AREL1: variants seen among roughly 807,000 people sequenced by gnomAD.
AREL1 encodes apoptosis resistant E3 ubiquitin protein ligase 1, also known as apoptosis-resistant E3 ubiquitin protein ligase 1.
Under a neutral mutation model 99.0 loss-of-function variants are expected in AREL1, and 62 were observed. The observed-to-expected ratio is 0.63, with a 90% CI of 0.51 to 0.77. The LOEUF is 0.77. Ranked by LOEUF, AREL1 falls within the 30% of genes least tolerant of loss-of-function variation. The pLI, the probability that AREL1 is intolerant of heterozygous loss-of-function variation, is 0.00. For synonymous variants in AREL1, 380 were observed against 376.5 expected, an observed-to-expected ratio of 1.01 and a Z score of -0.11; for missense variants, 879 against 1,027.6, an observed-to-expected ratio of 0.86 and a Z score of 1.98.
rs2089323015 is a variant in AREL1 at position 74,670,924 on chromosome 14, C to T, written c.1499-53G>A. 4.1e-6 allele frequency: 6 copies of T among 1,458,356 alleles called. No individual in the cohort carries two copies. In the South Asian group the frequency reaches 4.7e-5, roughly 11 times the overall value. 90.3% of individuals were successfully genotyped at this position (1,458,356 alleles called of 1,614,324 possible). On this transcript the variant is annotated intron_variant, in intron 12 of 19. Transcript: ENST00000356357. ...GACTCTGCCCTCCCTCCTCTTACCA[C>T]TTTTGTTTATTGAGTCATCATTTTA...
chr14:74,673,574 G>A (rs956242995), intron 9 of AREL1, among the ~76,000 whole-genome samples: 1 of 152,178 alleles, frequency 6.6e-6, no homozygotes, highest in East Asian at 1.9e-4. Flanking sequence ...ACTCCAAACT[G>A]ATCAGAAGAA....
At chr14:74,685,263 C>G (rs2089722771) in intron 3 of AREL1, among the ~76,000 whole-genome samples, 2 of 152,080 alleles carry the variant, frequency 1.3e-5, no homozygotes, top group South Asian at 4.1e-4. Flanking sequence ...TTAGCAGTTC[C>G]CTTTTCTGGG....
rs930109551 is a variant in AREL1 at position 74,704,941 on chromosome 14, T to C, written c.-334+7992A>G. 2.0e-5 allele frequency among the ~76,000 whole-genome samples: 3 copies of C among 152,346 alleles called. No individual in the cohort carries two copies. The East Asian group carries it at 5.8e-4, about 29-fold the overall frequency. On this transcript the variant is annotated intron_variant, in intron 1 of 19. Transcript: ENST00000356357. ...TTTAACAAGAACTTTTTAAAACTCCTGCATTCCATTTATCTCATAGTCATT... is the reference window on the plus strand; with the variant it reads ...TTTAACAAGAACTTTTTAAAACTCCCGCATTCCATTTATCTCATAGTCATT...
intron 1 of AREL1, among the ~76,000 whole-genome samples, chr14:74,710,305 A>G (rs924623816): frequency 2.6e-5 from 4 of 152,222 alleles, no homozygotes; most frequent in Non-Finnish European, 4.4e-5. Flanking sequence ...GGTATTAACA[A>G]TCAAGGAAAT....
At chr14:74,694,949 A>G (rs1048922771) in intron 1 of AREL1, among the ~76,000 whole-genome samples, 18 of 146,060 alleles carry the variant, frequency 1.2e-4, no homozygotes, top group Non-Finnish European at 2.2e-4. Flanking sequence ...AGATTGCGCC[A>G]CTGCACTCCA....
rs143978572 is a variant in AREL1, at chr14:74,690,797, T to C, written c.-46+1244A>G. 7.0e-3 allele frequency among the ~76,000 whole-genome samples: 1,073 copies of C among 152,282 alleles called. 14 individuals are homozygous for C. Among genetic ancestry groups the C allele is most frequent in the African/African-American group, 0.025 (1,029 of 41,548 alleles). The stretch of plus-strand genomic sequence containing the variant: ...GATACTTTAAGCTAGAAGAAAAATA[T>C]GACAGTAGTAAATTAACAGCTTTCT... On this transcript the variant is annotated intron_variant, in intron 2 of 19. Coordinates refer to ENST00000356357, the MANE Select transcript of AREL1 (RefSeq NM_001039479.2).
chr14:74,670,019 G>T lies in AREL1; in HGVS notation c.1716C>A (p.Tyr572Ter). The T allele has an allele frequency of 6.2e-6, 10 of 1,614,126 alleles. No homozygotes were observed. Among genetic ancestry groups the T allele is most frequent in the Non-Finnish European group, 8.5e-6 (10 of 1,179,976 alleles). Residue 572 changes from tyrosine (Y) to a stop codon, truncating the protein, a stop_gained, in exon 14 of 20, where the codon TAC becomes TAA. Transcript: ENST00000356357. LOFTEE classifies it high-confidence loss of function. ...CLYESSLGGA[Y>*]KQLVRARFTR... ...TGAAGCGAGCTCGGACCAACTGCTTGTAGGCTCCTCCTAGAGAGGACTCAT... is the reference window on the plus strand; with the variant it reads ...TGAAGCGAGCTCGGACCAACTGCTTTTAGGCTCCTCCTAGAGAGGACTCAT...
rs2089680257 is a variant in AREL1, at chr14:74,683,494, G to A, written c.283C>T (p.Pro95Ser). The change falls in exon 5 of 20, where the codon CCT (proline) becomes TCT (serine). Residue 95 changes from proline to serine, a missense_variant. Physicochemically the swap from Pro to Ser is moderately conservative, Grantham distance 74. Transcript: ENST00000356357. ...KNGQPFPAHRPVGLRVHISHV... is the reference protein window; with the variant it reads ...KNGQPFPAHRSVGLRVHISHV... The stretch of plus-strand genomic sequence containing the variant: ...GAGATGTGAACTCTTAGTCCCACAG[G>A]CCGATGTGCAGGGAAAGGCTGCCCG... 1 of 1,614,016 alleles carries A rather than the reference G, an allele frequency of 6.2e-7. No individual in the cohort carries two copies. Among genetic ancestry groups the A allele is most frequent in the Non-Finnish European group, 8.5e-7 (1 of 1,180,028 alleles).
At chr14:74,669,472 T>C (rs2089281369) in intron 15 of AREL1, among the ~76,000 whole-genome samples, 177 bp downstream of exon 15, 2 of 152,230 alleles carry the variant, frequency 1.3e-5, no homozygotes, top group African/African-American at 4.8e-5. Flanking sequence ...AGTGTAGTTA[T>C]GTAAGTATAC....
chr14:74,708,261 G>A (rs1344437920), intron 1 of AREL1, among the ~76,000 whole-genome samples: 1 of 152,108 alleles, frequency 6.6e-6, no homozygotes, highest in East Asian at 1.9e-4. Context: ...AATTACAGAT[G>A]GTGCTCCCCT....
chr14:74,682,551 G>GA (rs748463029), intron 5 of AREL1, among the ~76,000 whole-genome samples: 5 of 152,174 alleles, frequency 3.3e-5, no homozygotes, highest in African/African-American at 4.8e-5. Context: ...AAAAAGAAAT[G>GA]AAGTACAGAT....
At chr14:74,682,915 A>G (rs1402092274) in intron 5 of AREL1, among the ~76,000 whole-genome samples, 2 of 152,264 alleles carry the variant, frequency 1.3e-5, no homozygotes, top group East Asian at 1.9e-4. Flanking sequence ...TACAACTTGC[A>G]GAACCATGAG....
At chr14:74,703,254 G>A (rs1362922949) in intron 1 of AREL1, among the ~76,000 whole-genome samples, 1 of 152,188 alleles carries the variant, frequency 6.6e-6, no homozygotes, top group Non-Finnish European at 1.5e-5. Context: ...AAGGCAAAAG[G>A]CATGTCTTAC....
chr14:74,684,393 G>A, intron 4 of AREL1, 61 bp downstream of exon 4: 3 of 1,476,412 alleles, frequency 2.0e-6, no homozygotes, highest in East Asian at 4.5e-5. Flanking sequence ...CAGCACCTGG[G>A]CTCTGGAAAG....
intron 5 of AREL1, among the ~76,000 whole-genome samples, chr14:74,680,485 A>G (rs1258370323): frequency 6.6e-6 from 1 of 152,248 alleles, no homozygotes; most frequent in African/African-American, 2.4e-5. Flanking sequence ...GCCACTCTGG[A>G]AAAGAATTTG....
chr14:74,675,907 G>A lies in AREL1; in HGVS notation c.872C>T (p.Ser291Leu). ...AGCCTCAAAGTAAATGCTCACGCCTGAAGTGGACACATTGCGTTCGACGAT... is the reference window on the plus strand; with the variant it reads ...AGCCTCAAAGTAAATGCTCACGCCTAAAGTGGACACATTGCGTTCGACGAT... ...KNIVERNVST[S>L]GVSIYFEAYL... Residue 291 changes from serine (S) to leucine (L), a missense_variant, in exon 8 of 20, where the codon TCA becomes TTA. Coordinates refer to ENST00000356357, the MANE Select transcript of AREL1 (RefSeq NM_001039479.2). The A allele has an allele frequency of 6.2e-7, 1 of 1,610,878 alleles. No individual in the cohort carries two copies. The highest frequency in any genetic ancestry group is 8.5e-7 in the Non-Finnish European group (1 of 1,177,886).
At chr14:74,703,045 G>T (rs1386732732) in intron 1 of AREL1, among the ~76,000 whole-genome samples, 3 of 152,092 alleles carry the variant, frequency 2.0e-5, no homozygotes, top group Non-Finnish European at 4.4e-5. Context: ...TCTAACCTCT[G>T]CCTGTTACCC....
At chr14:74,689,012 ATTT>A (rs80335637) in intron 2 of AREL1, among the ~76,000 whole-genome samples, 1 of 131,932 alleles carries the variant, frequency 7.6e-6, no homozygotes. Flanking sequence ...AATTTTTTGT[ATTT>A]TTTTTTTTTT....
chr14:74,700,457 T>C (rs1350139859), intron 1 of AREL1, among the ~76,000 whole-genome samples: 1 of 152,168 alleles, frequency 6.6e-6, no homozygotes, highest in Non-Finnish European at 1.5e-5. Context: ...ATTCTTGGGA[T>C]AGGAAGAATT....
Sources: gnomAD v4.1 joint callset for allele counts (sites outside exome capture counted in the v4.1 genomes callset) on GRCh38, gnomAD v4.1.1 for gene constraint, MANE v1.5 for transcripts, NCBI Gene and HGNC (gene_info 2026-07-23, HGNC 2026-07-21) for gene names.